Variants in TNS1 observed in about 807,000 individuals in gnomAD.
TNS1 encodes tensin-1.
TNS1 carries 62 observed loss-of-function variants against 168.6 expected under a neutral mutation model. The ratio of observed to expected loss-of-function variants is 0.37; its 90% CI spans 0.30 to 0.45. The LOEUF (loss-of-function observed/expected upper bound fraction) is 0.45. Among genes scored for constraint, TNS1 ranks in the 20% least tolerant of loss-of-function variants. The pLI is 1.00. For missense variants in TNS1, 2,240 were observed against 2,339.4 expected (o/e 0.96, Z 0.88); for synonymous variants, 934 against 933.2 (o/e 1.00, Z -0.02).
chr2:217,867,408 C>G (rs1949372603), intron 18 of TNS1, among the ~76,000 whole-genome samples: 1 of 152,152 alleles, frequency 6.6e-6, no homozygotes, highest in Non-Finnish European at 1.5e-5. Context: ...TTTTTGGAAA[C>G]AGCAAAAGAT....
intron 21 of TNS1, 137 bp downstream of exon 21, chr2:217,834,954 G>A: frequency 3.1e-6 from 2 of 636,942 alleles, no homozygotes; most frequent in Non-Finnish European, 5.2e-6. Context: ...GGCCATGGGA[G>A]TGAGGAGCAG....
intron 12 of TNS1, chr2:217,890,531 A>G (rs555243567): frequency 3.5e-5 from 6 of 171,198 alleles, no homozygotes; most frequent in Non-Finnish European, 7.5e-5. Context: ...AACTGTCTAA[A>G]CTCTCCCAAC....
chr2:218,030,703 C>T lies in TNS1; in HGVS notation c.156+3117G>A, dbSNP rs1958884846. ...GTGGTCCCAGCACTGAAACTCACTT[C>T]TAGTGTGACCTTGGGCAAGTCACAC... On this transcript the variant is annotated intron_variant, in intron 1 of 1. Transcript: ENST00000649572. Among the ~76,000 whole-genome samples, 6 of 152,364 alleles carry T rather than the reference C, an allele frequency of 3.9e-5. No individual in the cohort carries two copies. In the South Asian group the frequency reaches 1.2e-3, roughly 32 times the overall value.
At position 217,804,290 on chromosome 2, in the gene TNS1, T is replaced by TCTCTCTA; in HGVS notation, c.*168_*169insTAGAGAG. ...TCTCTCTCTCTCTCTCTCTCTCTCT[T>TCTCTCTA]TTCCCCCTCCCCTCTGCAATTCACT... On this transcript the variant is annotated 3_prime_UTR_variant, in exon 33 of 33. Coordinates refer to ENST00000682258, the MANE Select transcript of TNS1 (RefSeq NM_001387777.1). 1 of 504,820 alleles carries TCTCTCTA rather than the reference T, an allele frequency of 2.0e-6. No individual in the cohort carries two copies. The allele number at this position is 504,820 out of a possible 1,614,324, so 31.3% of individuals were successfully genotyped here. A position where few individuals can be genotyped will look rare whatever the true frequency, so the allele number is the denominator to read the frequency against.
chr2:217,943,289 C>T (rs1416274242), intron 3 of TNS1, among the ~76,000 whole-genome samples: 1 of 152,120 alleles, frequency 6.6e-6, no homozygotes, highest in Non-Finnish European at 1.5e-5. Flanking sequence ...GAACCCTAAC[C>T]TTGCCAGGCC....
chr2:217,922,208 G>A (rs772319215), intron 3 of TNS1, among the ~76,000 whole-genome samples: 2 of 152,174 alleles, frequency 1.3e-5, no homozygotes, highest in Admixed American at 6.5e-5. Flanking sequence ...GGCCTGCAGG[G>A]CTCTCTGCTT....
chr2:217,918,687 A>G (rs1955387357), intron 4 of TNS1, among the ~76,000 whole-genome samples: 1 of 152,196 alleles, frequency 6.6e-6, no homozygotes, highest in East Asian at 1.9e-4. Context: ...AGCCAAGGAC[A>G]TTCTGTTCTT....
chr2:217,848,844 C>G lies in TNS1; in HGVS notation c.1673G>C (p.Ser558Thr), dbSNP rs1947069957. Residue 558 changes from serine (S) to threonine (T), a missense_variant, in exon 19 of 33, where the codon AGT becomes ACT. Around this residue, in one of 2 missense-constraint regions of TNS1, gnomAD observed 2,131 missense variants for 2,171.2 expected, o/e 0.98. Transcript: ENST00000682258. ...PGASSATAAL[S>T]PQEKRELDRL... ...GTCCAGCTCCCGCTTCTCCTGGGGA[C>G]TCAAGGCAGCAGTGGCACTGGAGGC... The G allele has an allele frequency of 6.2e-7, 1 of 1,614,024 alleles. No homozygotes were observed. The highest frequency in any genetic ancestry group is 2.2e-5 in the East Asian group (1 of 44,866).
intron 3 of TNS1, among the ~76,000 whole-genome samples, chr2:217,966,862 C>G (rs1957655211): frequency 6.6e-6 from 1 of 152,230 alleles, no homozygotes; most frequent in Non-Finnish European, 1.5e-5. Flanking sequence ...CAGACCCGAG[C>G]AGGAAGCCCA....
chr2:217,832,194 C>T (rs2125294484), intron 21 of TNS1, among the ~76,000 whole-genome samples: 1 of 152,346 alleles, frequency 6.6e-6, no homozygotes, highest in Non-Finnish European at 1.5e-5. Context: ...TCCCCCCAAA[C>T]CTCAGTGTCC....
At chr2:217,853,471 A>C (rs1472189848) in intron 18 of TNS1, among the ~76,000 whole-genome samples, 4 of 152,088 alleles carry the variant, frequency 2.6e-5, no homozygotes, top group African/African-American at 9.7e-5. Context: ...ACGGGTGACA[A>C]TGGAGTGGGA....
At chr2:217,905,255 C>A in intron 6 of TNS1, 1 of 310,702 alleles carries the variant, frequency 3.2e-6, no homozygotes, top group Non-Finnish European at 6.5e-6. Context: ...AGGGCCCCTC[C>A]CCAGTATGAG....
chr2:217,896,130 A>G (rs1304431448), intron 8 of TNS1, among the ~76,000 whole-genome samples: 1 of 152,228 alleles, frequency 6.6e-6, no homozygotes, highest in Non-Finnish European at 1.5e-5. Flanking sequence ...CGGACACAGA[A>G]GCTAGGGCTT....
chr2:218,028,853 T>C (rs1574485061), intron 1 of TNS1, among the ~76,000 whole-genome samples: 1 of 152,236 alleles, frequency 6.6e-6, no homozygotes, highest in African/African-American at 2.4e-5. Flanking sequence ...TGGGTCCCCT[T>C]TCCTCCCCAC....
At chr2:217,913,908 T>G (rs1191315502) in intron 4 of TNS1, among the ~76,000 whole-genome samples, 1 of 152,128 alleles carries the variant, frequency 6.6e-6, no homozygotes, top group African/African-American at 2.4e-5. Flanking sequence ...AAGGGTTGTT[T>G]GGGCCCTGGT....
intron 3 of TNS1, among the ~76,000 whole-genome samples, chr2:217,932,231 A>G (rs1482872955): frequency 1.3e-5 from 2 of 152,174 alleles, no homozygotes; most frequent in African/African-American, 4.8e-5. Context: ...TGAGTTTCTA[A>G]CTACAGGGTA....
At chr2:217,892,806 G>A in intron 11 of TNS1, 142 bp downstream of exon 11, 1 of 887,662 alleles carries the variant, frequency 1.1e-6, no homozygotes, top group South Asian at 2.1e-5. Flanking sequence ...AGAGCCAGGG[G>A]CCCCTTCCCC....
intron 6 of TNS1, among the ~76,000 whole-genome samples, chr2:217,905,992 CCTT>C (rs1480367236): frequency 6.6e-6 from 1 of 152,242 alleles, no homozygotes; most frequent in African/African-American, 2.4e-5. Context: ...AGTCAGGGCT[CCTT>C]CTCTGCCTCA....
In TNS1 at chr2:217,834,786, G is replaced by A. The variant is rs375265493; in HGVS notation, c.3280+305C>T. 4.6e-5 allele frequency among the ~76,000 whole-genome samples: 7 copies of A among 152,288 alleles called. No individual in the cohort carries two copies. In the East Asian group the frequency reaches 1.2e-3, roughly 25 times the overall value. On this transcript the variant is annotated intron_variant, in intron 21 of 32. Coordinates refer to ENST00000682258, the MANE Select transcript of TNS1 (RefSeq NM_001387777.1). ...ATGGTAGGGTCTTTTGAGTGTGGACGGTAAAAAGACTCAAAACAAGTAAGA... is the reference window on the plus strand; with the variant it reads ...ATGGTAGGGTCTTTTGAGTGTGGACAGTAAAAAGACTCAAAACAAGTAAGA...
Sources: allele counts gnomAD v4.1 joint callset (sites outside exome capture counted in the v4.1 genomes callset), GRCh38; gene constraint gnomAD v4.1.1; regional missense constraint gnomAD v4.1.1; transcripts MANE v1.5; gene names NCBI Gene and HGNC (gene_info 2026-07-23, HGNC 2026-07-21).